DNAH14: variants seen among roughly 807,000 people sequenced by gnomAD.
DNAH14 encodes dynein axonemal heavy chain 14.
In DNAH14, 478 loss-of-function variants were observed where a neutral mutation model predicts 520.9. The ratio of observed to expected loss-of-function variants is 0.92; its 90% CI spans 0.85 to 0.99. The LOEUF is 0.99. Ranked by LOEUF, DNAH14 falls within the 50% of genes least tolerant of loss-of-function variation. DNAH14 has a pLI of 0.00. For synonymous variants in DNAH14, 1,581 were observed against 1,757.2 expected, an observed-to-expected ratio of 0.90 and a Z score of 2.51; for missense variants, 4,831 against 5,234.5, an observed-to-expected ratio of 0.92 and a Z score of 2.38.
chr1:224,978,543 CAGAT>C (rs913025946), intron 8 of DNAH14, among the ~76,000 whole-genome samples: 1 of 152,104 alleles, frequency 6.6e-6, no homozygotes, highest in Non-Finnish European at 1.5e-5. Context: ...GGTTGGTTAA[CAGAT>C]AGATGGGAGG....
intron 27 of DNAH14, among the ~76,000 whole-genome samples, chr1:225,137,898 G>A (rs764504218): frequency 5.9e-5 from 9 of 152,190 alleles, no homozygotes; most frequent in South Asian, 2.1e-4. Flanking sequence ...CAGAGATAGC[G>A]CTGCCCCTCA....
At chr1:225,385,051 A>G (rs2095824545) in intron 81 of DNAH14, among the ~76,000 whole-genome samples, 1 of 152,174 alleles carries the variant, frequency 6.6e-6, no homozygotes, top group African/African-American at 2.4e-5. Flanking sequence ...GGCTTCCTCC[A>G]TGGGATGCAG....
chr1:225,165,570 T>TTTGGTTGG (rs3043025), intron 35 of DNAH14, among the ~76,000 whole-genome samples: 82 of 150,498 alleles, frequency 5.4e-4, no homozygotes, highest in East Asian at 1.6e-3. Flanking sequence ...TACTTGTTTG[T>TTTGGTTGG]TTGGTTGGTT....
At chr1:225,327,751 A>G (rs561544739) in intron 64 of DNAH14, among the ~76,000 whole-genome samples, 2 of 151,478 alleles carry the variant, frequency 1.3e-5, no homozygotes, top group South Asian at 4.2e-4. Context: ...TAGAGAATAG[A>G]AAAAAAAATA....
chr1:225,351,856 G>C lies in DNAH14; in HGVS notation c.11506G>C (p.Glu3836Gln), dbSNP rs762474038. The change falls in exon 72 of 86, where the codon GAG becomes CAG. Residue 3836 changes from glutamate to glutamine, a missense_variant. Transcript: ENST00000682510. ...TPFSSENASLEENTKPPEETE... is the reference protein window; with the variant it reads ...TPFSSENASLQENTKPPEETE... ...TTTCTCTTCAGAAAATGCTTCATTGGAGGAAAATACAAAACCACCAGAGGA... is the reference window on the plus strand; with the variant it reads ...TTTCTCTTCAGAAAATGCTTCATTGCAGGAAAATACAAAACCACCAGAGGA... The C allele has an allele frequency of 3.2e-6, 5 of 1,550,894 alleles. No individual in the cohort carries two copies. Among genetic ancestry groups the C allele is most frequent in the South Asian group, 2.4e-5 (2 of 83,972 alleles).
intron 30 of DNAH14, among the ~76,000 whole-genome samples, chr1:225,146,546 C>T (rs1391085767): frequency 6.6e-6 from 1 of 152,226 alleles, no homozygotes; most frequent in Non-Finnish European, 1.5e-5. Flanking sequence ...CAGCCTGGGC[C>T]TGCACTCTGG....
At chr1:225,076,093 A>C (rs1415878678) in intron 17 of DNAH14, among the ~76,000 whole-genome samples, 1 of 152,052 alleles carries the variant, frequency 6.6e-6, no homozygotes, top group African/African-American at 2.4e-5. Flanking sequence ...TGTGACTACC[A>C]AGGGTAGTGT....
At chr1:225,305,434 G>A (rs1040313419) in intron 58 of DNAH14, among the ~76,000 whole-genome samples, 1 of 152,180 alleles carries the variant, frequency 6.6e-6, no homozygotes, top group African/African-American at 2.4e-5. Context: ...AAAGGCTTCA[G>A]ATGACTACAA....
Position 225,331,439 on chromosome 1 carries a change from T to C in DNAH14, c.9726T>C (p.Val3242=). 1 of 1,550,092 alleles carries C rather than the reference T, an allele frequency of 6.5e-7. No homozygotes were observed. The highest frequency in any genetic ancestry group is 8.7e-7 in the Non-Finnish European group (1 of 1,146,344). Residue 3242 remains valine (V), a splice_region_variant and synonymous_variant, in exon 65 of 86, where the codon GTT becomes GTC. Transcript: ENST00000682510. ...LAEKQRGLQL[V]EEHLLFLQAA... ...ATAATGAATTAATTATCTTTCAGGTTGAAGAACATTTGCTGTTTTTACAGG... is the reference window on the plus strand; with the variant it reads ...ATAATGAATTAATTATCTTTCAGGTCGAAGAACATTTGCTGTTTTTACAGG...
chr1:225,298,588 G>C (rs2094067064), intron 55 of DNAH14, among the ~76,000 whole-genome samples: 1 of 152,168 alleles, frequency 6.6e-6, no homozygotes, highest in South Asian at 2.1e-4. Flanking sequence ...CTTGGTGGAA[G>C]AATGAAGATG....
rs1572028903 is a variant in DNAH14, at chr1:224,954,896, C to T, written c.78-63C>T. 20 of 1,331,984 alleles carry T rather than the reference C, an allele frequency of 1.5e-5. No individual in the cohort carries two copies. The East Asian group carries it at 4.4e-4, about 30-fold the overall frequency. The allele number at this position is 1,331,984 out of a possible 1,614,324, so 82.5% of individuals were successfully genotyped here. ...TGAAATTTTGGTAATATGCTAATAG[C>T]TCAGTATTTTATTGGTGTGATTTTC... On this transcript the variant is annotated intron_variant, in intron 2 of 85. Transcript: ENST00000682510.
At chr1:225,215,188 G>A (rs1262124365) in intron 41 of DNAH14, among the ~76,000 whole-genome samples, 1 of 152,156 alleles carries the variant, frequency 6.6e-6, no homozygotes, top group Non-Finnish European at 1.5e-5. Flanking sequence ...TCAGGAGCAG[G>A]TTGTTCAGTT....
At chr1:225,221,093 G>A (rs2090010579) in intron 41 of DNAH14, among the ~76,000 whole-genome samples, 1 of 152,156 alleles carries the variant, frequency 6.6e-6, no homozygotes, top group African/African-American at 2.4e-5. Context: ...GGGAAAACTG[G>A]CTACACATAT....
intron 11 of DNAH14, among the ~76,000 whole-genome samples, chr1:225,037,190 A>G (rs1025686298): frequency 1.3e-5 from 2 of 152,080 alleles, no homozygotes; most frequent in African/African-American, 4.8e-5. Context: ...ATATCTTTTG[A>G]TTAGAGAATT....
intron 69 of DNAH14, 92 bp from the exon 70 acceptor site, chr1:225,345,870 T>C (rs904667711): frequency 3.6e-6 from 4 of 1,115,884 alleles, no homozygotes; most frequent in Non-Finnish European, 5.1e-6. Context: ...AAGCCAACAG[T>C]ACAAACCCTT....
intron 1 of DNAH14, among the ~76,000 whole-genome samples, chr1:224,945,733 G>C (rs1373716576): frequency 1.3e-5 from 2 of 152,302 alleles, no homozygotes; most frequent in Non-Finnish European, 2.9e-5. Flanking sequence ...GTGCAGGTCT[G>C]TTGGAGTTTG....
intron 42 of DNAH14, among the ~76,000 whole-genome samples, chr1:225,237,013 A>G (rs1192182966): frequency 1.3e-5 from 2 of 151,814 alleles, no homozygotes; most frequent in African/African-American, 2.4e-5. Context: ...TTGCTACCCC[A>G]CTTTTTTTGT....
intron 10 of DNAH14, among the ~76,000 whole-genome samples, chr1:225,010,416 G>C (rs2064618996): frequency 6.6e-6 from 1 of 152,024 alleles, no homozygotes; most frequent in Admixed American, 6.6e-5. Flanking sequence ...TGTGTATGTT[G>C]AACCAGCCTT....
intron 3 of DNAH14, among the ~76,000 whole-genome samples, chr1:224,956,477 A>G (rs1037835792): frequency 3.9e-5 from 6 of 152,116 alleles, no homozygotes; most frequent in Admixed American, 3.3e-4. Context: ...GAAACGTGCT[A>G]TACAGATTTG....
Sources: allele counts gnomAD v4.1 joint callset (sites outside exome capture counted in the v4.1 genomes callset), GRCh38; gene constraint gnomAD v4.1.1; transcripts MANE v1.5; gene names NCBI Gene and HGNC (gene_info 2026-07-23, HGNC 2026-07-21).